Variants in SLC8A1 observed in about 807,000 individuals in gnomAD.
The protein encoded by SLC8A1 is sodium/calcium exchanger 1.
A neutral mutation model predicts 68.3 loss-of-function variants in SLC8A1; 18 were observed. That is an observed-to-expected ratio of 0.26 (90% CI 0.18 to 0.39). The LOEUF is 0.39. SLC8A1 is among the 10% of genes least tolerant of loss of function. The pLI, the probability that SLC8A1 is intolerant of heterozygous loss-of-function variation, is 1.00. For synonymous variants in SLC8A1, 475 were observed against 415.5 expected (o/e 1.14, Z -1.74); for missense variants, 985 against 1,156.7 (o/e 0.85, Z 2.15).
chr2:40,414,942 G>A (rs1693349448), intron 2 of SLC8A1, among the ~76,000 whole-genome samples: 1 of 152,072 alleles, frequency 6.6e-6, no homozygotes, highest in South Asian at 2.1e-4. Context: ...TGGCAATATT[G>A]GGAAAGAAGG....
chr2:40,232,292 T>C lies in SLC8A1; in HGVS notation c.1809-54437A>G, dbSNP rs1348346727. Among the ~76,000 whole-genome samples the C allele has an allele frequency of 4.6e-5, 7 of 152,266 alleles. No individual in the cohort carries two copies. In the East Asian group the frequency reaches 1.4e-3, roughly 29 times the overall value. Reference sequence around the variant, plus strand: ...CAGAAGGCAGAAGAAATCAGGGGCATACAGGTAGGTGTGTCATCTTTTGGT... The same window carrying C: ...CAGAAGGCAGAAGAAATCAGGGGCACACAGGTAGGTGTGTCATCTTTTGGT... On this transcript the variant is annotated intron_variant, in intron 2 of 7. Transcript: ENST00000406785.
intron 2 of SLC8A1, among the ~76,000 whole-genome samples, chr2:40,252,414 C>A (rs2062904694): frequency 1.3e-5 from 2 of 152,094 alleles, no homozygotes; most frequent in African/African-American, 4.8e-5. Context: ...CTCACTGCAA[C>A]CTCTGCCTAC....
chr2:40,116,827 A>T (rs1365492306), intron 7 of SLC8A1: 1 of 152,132 alleles, frequency 6.6e-6, no homozygotes, highest in African/African-American at 2.4e-5. Flanking sequence ...TGATAGGAAA[A>T]TCTTGGTCCA....
At chr2:40,109,669 T>G (rs893779175) in exon 8 of SLC8A1, 9 of 152,124 alleles carry the variant, frequency 5.9e-5, no homozygotes, top group African/African-American at 2.2e-4. Context: ...CTAAGGGTAG[T>G]TGGATATAAT....
intron 4 of SLC8A1, among the ~76,000 whole-genome samples, chr2:40,172,793 T>C (rs1272272771): frequency 6.6e-6 from 1 of 151,840 alleles, no homozygotes; most frequent in East Asian, 1.9e-4. Context: ...ATACAAAAAA[T>C]TAGCTAGGCG....
At chr2:40,192,266 TAATATG>T (rs1230019979) in intron 2 of SLC8A1, among the ~76,000 whole-genome samples, 5 of 152,104 alleles carry the variant, frequency 3.3e-5, no homozygotes, top group Non-Finnish European at 7.4e-5. Context: ...TATGGGGCAT[TAATATG>T]AATATTATAA....
chr2:40,298,791 AC>A (rs201407318), intron 2 of SLC8A1, among the ~76,000 whole-genome samples: 2,214 of 152,350 alleles, frequency 0.015, 61 homozygotes, highest in African/African-American at 0.051. Flanking sequence ...TTGTACAGTA[AC>A]TAATGATGGT....
exon 8 of SLC8A1, chr2:40,109,371 T>G (rs573392500): frequency 6.6e-6 from 1 of 152,144 alleles, no homozygotes; most frequent in Non-Finnish European, 1.5e-5. Context: ...AATCCACACC[T>G]ACATATTGAT....
chr2:40,156,979 C>T lies in SLC8A1; in HGVS notation c.2161+3786G>A, dbSNP rs531256583. Among the ~76,000 whole-genome samples the T allele has an allele frequency of 3.3e-5, 5 of 152,150 alleles. No homozygotes were observed. The East Asian group carries it at 9.6e-4, about 29-fold the overall frequency. On this transcript the variant is annotated intron_variant, in intron 6 of 7. Coordinates refer to ENST00000406785, the Ensembl canonical transcript of SLC8A1. ...TGGGCTGATTTGTTGCCTGGTACTGCCCCTTAACAGTTTTGCTTCTTGAGC... is the reference window on the plus strand; with the variant it reads ...TGGGCTGATTTGTTGCCTGGTACTGTCCCTTAACAGTTTTGCTTCTTGAGC...
intron 2 of SLC8A1, among the ~76,000 whole-genome samples, chr2:40,181,663 C>T (rs2049591716): frequency 6.6e-6 from 1 of 152,168 alleles, no homozygotes; most frequent in Admixed American, 6.5e-5. Context: ...TCTAAAGTGG[C>T]AGGATGAAGT....
intron 2 of SLC8A1, among the ~76,000 whole-genome samples, chr2:40,414,622 T>A (rs1693243645): frequency 6.6e-6 from 1 of 152,206 alleles, no homozygotes. Context: ...TTTAATTAAG[T>A]CATGTTTAAA....
intron 2 of SLC8A1, among the ~76,000 whole-genome samples, chr2:40,247,457 G>C (rs2373818): frequency 2.7e-5 from 3 of 112,454 alleles, no homozygotes; most frequent in South Asian, 4.8e-4. Flanking sequence ...TGTGTGTGTG[G>C]AGAGAGAGAG....
intron 7 of SLC8A1, chr2:40,118,606 A>AGTT (rs1553336863): frequency 4.1e-5 from 3 of 73,748 alleles, no homozygotes; most frequent in Non-Finnish European, 8.9e-5. Flanking sequence ...AAAAAAAGGA[A>AGTT]GTTTTTTTTT....
chr2:40,358,595 A>G (rs1468914996), intron 2 of SLC8A1, among the ~76,000 whole-genome samples: 1 of 152,170 alleles, frequency 6.6e-6, no homozygotes, highest in African/African-American at 2.4e-5. Flanking sequence ...GGATCAATTA[A>G]ATTAATGCAT....
intron 2 of SLC8A1, among the ~76,000 whole-genome samples, chr2:40,414,458 T>C (rs557504119): frequency 9.7e-4 from 148 of 152,336 alleles, no homozygotes; most frequent in South Asian, 2.5e-3. Flanking sequence ...AGTGTGTGGG[T>C]AACTAAAGCC....
At chr2:40,441,718 A>G (rs1700521289) in intron 1 of SLC8A1, among the ~76,000 whole-genome samples, 1 of 152,154 alleles carries the variant, frequency 6.6e-6, no homozygotes, top group Admixed American at 6.5e-5. Flanking sequence ...AGCCATATGC[A>G]GAAAACTGAA....
chr2:40,504,479 G>C (rs1280540321), intron 1 of SLC8A1, among the ~76,000 whole-genome samples: 1 of 151,926 alleles, frequency 6.6e-6, no homozygotes, highest in East Asian at 1.9e-4. Context: ...AATTTAAAAA[G>C]CTTCTGTACA....
At position 40,323,153 on chromosome 2, in the gene SLC8A1, C is replaced by G. The variant is rs192794923; in HGVS notation, c.1808+105320G>C. On this transcript the variant is annotated intron_variant, in intron 2 of 7. Transcript: ENST00000406785. ...TAGGCAACTATAATGCTTTTGTTCT[C>G]GAGCTTCCAGTGTCTTTATCATAGA... Among the ~76,000 whole-genome samples the G allele has an allele frequency of 8.5e-5, 13 of 152,170 alleles. 1 individual carries two copies. In the South Asian group the frequency reaches 1.5e-3, roughly 17 times the overall value.
chr2:40,363,442 C>A (rs1364300427), intron 2 of SLC8A1, among the ~76,000 whole-genome samples: 2 of 152,024 alleles, frequency 1.3e-5, no homozygotes, highest in Non-Finnish European at 2.9e-5. Context: ...ACAAAACAGA[C>A]CTCCAAACTC....
Sources: gnomAD v4.1 joint callset for allele counts (sites outside exome capture counted in the v4.1 genomes callset) on GRCh38, gnomAD v4.1.1 for gene constraint, MANE v1.5 for transcripts, NCBI Gene and HGNC (gene_info 2026-07-23, HGNC 2026-07-21) for gene names.